GPR158: variants seen among roughly 807,000 people sequenced by gnomAD.
GPR158 encodes the protein metabotropic glycine receptor.
A neutral mutation model predicts 78.2 loss-of-function variants in GPR158; 30 were observed. The observed-to-expected ratio is 0.38, with a 90% CI of 0.29 to 0.52. The LOEUF is 0.52. Ranked by LOEUF, GPR158 falls within the 20% of genes least tolerant of loss-of-function variation. GPR158 has a pLI of 0.83. For missense variants in GPR158, 1,463 were observed against 1,523.5 expected, an observed-to-expected ratio of 0.96 and a Z score of 0.66; for synonymous variants, 581 against 591.1, an observed-to-expected ratio of 0.98 and a Z score of 0.25.
At chr10:25,551,843 C>T (rs1240189838) in intron 6 of GPR158, among the ~76,000 whole-genome samples, 1 of 152,098 alleles carries the variant, frequency 6.6e-6, no homozygotes, top group Admixed American at 6.6e-5. Context: ...AGAACTGTAT[C>T]CCTATAAAGA....
At chr10:25,432,820 A>G (rs1834930145) in intron 4 of GPR158, among the ~76,000 whole-genome samples, 1 of 152,242 alleles carries the variant, frequency 6.6e-6, no homozygotes, top group South Asian at 2.1e-4. Context: ...CATTGCTTGG[A>G]ATTATTATCC....
chr10:25,581,538 T>C (rs1199535444), intron 7 of GPR158, among the ~76,000 whole-genome samples: 1 of 152,188 alleles, frequency 6.6e-6, no homozygotes, highest in Non-Finnish European at 1.5e-5. Context: ...TGCTTTACTT[T>C]CTCTTTGCCC....
At chr10:25,568,141 G>T (rs1482710744) in intron 6 of GPR158, among the ~76,000 whole-genome samples, 1 of 152,146 alleles carries the variant, frequency 6.6e-6, no homozygotes, top group Non-Finnish European at 1.5e-5. Flanking sequence ...ATGGAGAGGG[G>T]GTGATTTTGT....
At chr10:25,440,649 G>A (rs75491432) in intron 4 of GPR158, among the ~76,000 whole-genome samples, 4,913 of 152,084 alleles carry the variant, frequency 0.032, 273 homozygotes, top group African/African-American at 0.11. Context: ...ATTATTAATC[G>A]CAAAGTGAAA....
intron 5 of GPR158, among the ~76,000 whole-genome samples, chr10:25,505,398 T>C (rs531992778): frequency 3.3e-5 from 5 of 152,342 alleles, no homozygotes; most frequent in South Asian, 2.1e-4. Context: ...TCTTGCCTCA[T>C]GCTTTAAGAT....
chr10:25,539,735 G>A (rs937637784), intron 5 of GPR158, among the ~76,000 whole-genome samples: 8 of 151,992 alleles, frequency 5.3e-5, no homozygotes, highest in Non-Finnish European at 1.2e-4. Context: ...GACCATGGTT[G>A]TATAAAGACA....
intron 4 of GPR158, among the ~76,000 whole-genome samples, chr10:25,426,863 G>A (rs1331539099): frequency 6.6e-6 from 1 of 152,104 alleles, no homozygotes; most frequent in Non-Finnish European, 1.5e-5. Context: ...AAACAATGCA[G>A]TATCTGTGGA....
In GPR158 at chr10:25,382,496, A is replaced by T. The variant is rs557594363; in HGVS notation, c.1009-13415A>T. 5.9e-5 allele frequency among the ~76,000 whole-genome samples: 9 copies of T among 152,324 alleles called. No homozygotes were observed. In the South Asian group the frequency reaches 1.5e-3, roughly 25 times the overall value. Reference sequence around the variant, plus strand: ...TCTGCCCCCAACCCTACCCCAGTTTATCATACTTTTAAAACTGGGTTCTGA... The same window carrying T: ...TCTGCCCCCAACCCTACCCCAGTTTTTCATACTTTTAAAACTGGGTTCTGA... On this transcript the variant is annotated intron_variant, in intron 2 of 10. Coordinates refer to ENST00000376351, the MANE Select transcript of GPR158 (RefSeq NM_020752.3).
chr10:25,387,189 G>A (rs1308772049), intron 2 of GPR158, among the ~76,000 whole-genome samples: 1 of 152,112 alleles, frequency 6.6e-6, no homozygotes, highest in African/African-American at 2.4e-5. Context: ...ATAAAAGGGT[G>A]TTGCATTGTG....
At chr10:25,424,846 A>G (rs1482982777) in intron 4 of GPR158, among the ~76,000 whole-genome samples, 1 of 152,196 alleles carries the variant, frequency 6.6e-6, no homozygotes, top group Non-Finnish European at 1.5e-5. Context: ...CTTTTTGCTT[A>G]GGATTATCTT....
chr10:25,449,723 A>G (rs1248901903), intron 4 of GPR158, among the ~76,000 whole-genome samples: 1 of 152,194 alleles, frequency 6.6e-6, no homozygotes, highest in Non-Finnish European at 1.5e-5. Context: ...CCCTGAGAGG[A>G]GATTTTAAGT....
At chr10:25,304,756 A>G (rs559521618) in intron 2 of GPR158, among the ~76,000 whole-genome samples, 3 of 152,302 alleles carry the variant, frequency 2.0e-5, no homozygotes, top group African/African-American at 7.2e-5. Context: ...TAAGTATCAC[A>G]GTGAATTGTA....
chr10:25,486,071 C>G (rs1050274882), intron 5 of GPR158, among the ~76,000 whole-genome samples: 2 of 152,110 alleles, frequency 1.3e-5, no homozygotes, highest in Non-Finnish European at 2.9e-5. Flanking sequence ...CCTTGATCTT[C>G]CCAGCCTCCA....
intron 4 of GPR158, among the ~76,000 whole-genome samples, chr10:25,430,017 C>T (rs1189858118): frequency 1.4e-5 from 2 of 142,236 alleles, no homozygotes; most frequent in African/African-American, 5.3e-5. Context: ...CCAGGGCAAT[C>T]AGGCAGGAGA....
At chr10:25,311,042 G>T (rs1177415652) in intron 2 of GPR158, among the ~76,000 whole-genome samples, 5 of 151,906 alleles carry the variant, frequency 3.3e-5, no homozygotes, top group African/African-American at 9.6e-5. Flanking sequence ...CTTCTCTTTT[G>T]TTCCTCAGTC....
intron 4 of GPR158, among the ~76,000 whole-genome samples, chr10:25,436,149 T>C (rs1457626322): frequency 6.6e-6 from 1 of 152,208 alleles, no homozygotes; most frequent in Non-Finnish European, 1.5e-5. Context: ...AACTTGATTT[T>C]CAGATAAACA....
intron 2 of GPR158, among the ~76,000 whole-genome samples, chr10:25,377,486 A>G (rs1451469834): frequency 1.3e-5 from 2 of 152,036 alleles, no homozygotes; most frequent in Non-Finnish European, 2.9e-5. Flanking sequence ...AACTAATTTT[A>G]GAACATTTTT....
chr10:25,472,623 T>C (rs1354064224), intron 5 of GPR158, among the ~76,000 whole-genome samples: 2 of 152,248 alleles, frequency 1.3e-5, no homozygotes, highest in East Asian at 3.8e-4. Context: ...TTTGTTTGTG[T>C]CCTCTTTTAT....
chr10:25,180,803 A>G (rs1852602154), intron 1 of GPR158, among the ~76,000 whole-genome samples: 1 of 152,068 alleles, frequency 6.6e-6, no homozygotes, highest in African/African-American at 2.4e-5. Flanking sequence ...TGGAAGTGAT[A>G]TGGGAGAGTC....
Sources: allele counts gnomAD v4.1 joint callset (sites outside exome capture counted in the v4.1 genomes callset), GRCh38; gene constraint gnomAD v4.1.1; transcripts MANE v1.5; gene names NCBI Gene and HGNC (gene_info 2026-07-23, HGNC 2026-07-21).